MANBA: variants seen among roughly 807,000 people sequenced by gnomAD.
The protein encoded by MANBA is beta-mannosidase.
A neutral mutation model predicts 111.1 loss-of-function variants in MANBA; 83 were observed. That is an observed-to-expected ratio of 0.75 (90% CI 0.63 to 0.90). The LOEUF is 0.90. Among genes scored for constraint, MANBA ranks in the 40% least tolerant of loss-of-function variants. The pLI is 0.00. For synonymous variants in MANBA, 370 were observed against 378.7 expected, an observed-to-expected ratio of 0.98 and a Z score of 0.27; for missense variants, 1,036 against 1,069.0, an observed-to-expected ratio of 0.97 and a Z score of 0.43.
intron 11 of MANBA, among the ~76,000 whole-genome samples, chr4:102,658,140 C>A (rs1730658179): frequency 2.0e-5 from 3 of 152,188 alleles, no homozygotes; most frequent in Admixed American, 1.3e-4. Flanking sequence ...TGTTCTTAAT[C>A]TTTTCAATCA....
intron 4 of MANBA, among the ~76,000 whole-genome samples, chr4:102,721,857 G>A (rs1245827540): frequency 6.6e-6 from 1 of 151,562 alleles, no homozygotes; most frequent in Non-Finnish European, 1.5e-5. Context: ...GCAAAATCCT[G>A]TCTCTACAAA....
In MANBA at chr4:102,669,333, G is replaced by A. The variant is rs55922881; in HGVS notation, c.1231-284C>T. ...TTTGAAAAAGAAAAAATGTGTGGAG[G>A]GGACACAGAATGAGGCTTCCCTCCA... On this transcript the variant is annotated intron_variant, in intron 9 of 16. Transcript: ENST00000647097. Among the ~76,000 whole-genome samples, 1,736 of 152,212 alleles carry A rather than the reference G, an allele frequency of 0.011. 36 individuals are homozygous for A. Among genetic ancestry groups the A allele is most frequent in the African/African-American group, 0.039 (1,636 of 41,524 alleles).
chr4:102,693,395 G>T (rs964905632), intron 5 of MANBA, among the ~76,000 whole-genome samples: 1 of 152,140 alleles, frequency 6.6e-6, no homozygotes, highest in Admixed American at 6.6e-5. Flanking sequence ...AAGTAATAAG[G>T]GTGGGGCAGT....
intron 7 of MANBA, among the ~76,000 whole-genome samples, chr4:102,684,067 T>G (rs533310408): frequency 6.6e-6 from 1 of 152,128 alleles, no homozygotes; most frequent in African/African-American, 2.4e-5. Flanking sequence ...CAGGACCTTT[T>G]GTCTGAGTCA....
intron 7 of MANBA, among the ~76,000 whole-genome samples, chr4:102,687,084 C>T (rs1043043360): frequency 6.6e-6 from 1 of 152,108 alleles, no homozygotes; most frequent in African/African-American, 2.4e-5. Context: ...ACTCAATGAA[C>T]AGAGTTGCCC....
intron 13 of MANBA, among the ~76,000 whole-genome samples, chr4:102,640,196 T>C (rs898775925): frequency 6.6e-6 from 1 of 152,206 alleles, no homozygotes; most frequent in East Asian, 1.9e-4. Context: ...AAATGCTATA[T>C]ATAGTCCAAA....
At chr4:102,693,801 C>G (rs1404893655) in intron 5 of MANBA, among the ~76,000 whole-genome samples, 1 of 151,982 alleles carries the variant, frequency 6.6e-6, no homozygotes, top group Non-Finnish European at 1.5e-5. Context: ...AATATTACCC[C>G]CAAAAAAGGC....
intron 6 of MANBA, among the ~76,000 whole-genome samples, chr4:102,689,989 C>G (rs1372135580): frequency 1.3e-5 from 2 of 152,144 alleles, no homozygotes; most frequent in African/African-American, 4.8e-5. Flanking sequence ...ACATTCTTAA[C>G]ACTTAAAATG....
intron 5 of MANBA, among the ~76,000 whole-genome samples, chr4:102,705,985 A>C (rs1033780832): frequency 2.0e-5 from 3 of 152,134 alleles, no homozygotes; most frequent in African/African-American, 7.2e-5. Flanking sequence ...TGTCAACACC[A>C]ATGCAGACTT....
At chr4:102,679,330 A>G (rs965708608) in intron 7 of MANBA, among the ~76,000 whole-genome samples, 14 of 152,140 alleles carry the variant, frequency 9.2e-5, no homozygotes, top group African/African-American at 3.4e-4. Flanking sequence ...CTCCTCTTCC[A>G]TATGACAAAG....
At chr4:102,754,336 G>A (rs1369359296) in intron 1 of MANBA, among the ~76,000 whole-genome samples, 1 of 151,946 alleles carries the variant, frequency 6.6e-6, no homozygotes, top group Admixed American at 6.6e-5. Context: ...AAATAAAGAT[G>A]TACAGTAAAA....
chr4:102,684,289 G>C (rs1288286869), intron 7 of MANBA, among the ~76,000 whole-genome samples: 1 of 152,132 alleles, frequency 6.6e-6, no homozygotes, highest in Non-Finnish European at 1.5e-5. Context: ...ATAAGGAGGG[G>C]CTGGTGATGA....
At chr4:102,687,926 T>C (rs2110240498) in intron 7 of MANBA, among the ~76,000 whole-genome samples, 1 of 152,236 alleles carries the variant, frequency 6.6e-6, no homozygotes, top group South Asian at 2.1e-4. Context: ...AGAGCACATT[T>C]CACACACATG....
intron 1 of MANBA, among the ~76,000 whole-genome samples, chr4:102,750,578 A>G (rs1723752176): frequency 6.6e-6 from 1 of 152,310 alleles, no homozygotes; most frequent in Admixed American, 6.5e-5. Context: ...CCATACTGAA[A>G]TGTTTGTGGA....
chr4:102,750,723 T>C (rs1394204205), intron 1 of MANBA, among the ~76,000 whole-genome samples: 2 of 152,056 alleles, frequency 1.3e-5, no homozygotes, highest in African/African-American at 4.8e-5. Flanking sequence ...GACCAGCCTG[T>C]GCAACATAGG....
intron 12 of MANBA, among the ~76,000 whole-genome samples, chr4:102,654,147 C>T (rs937409861): frequency 6.6e-6 from 1 of 152,006 alleles, no homozygotes; most frequent in Non-Finnish European, 1.5e-5. Flanking sequence ...AGAATGAGTA[C>T]GTGGTACACA....
chr4:102,698,964 C>G (rs1297489127), intron 5 of MANBA, among the ~76,000 whole-genome samples: 1 of 152,186 alleles, frequency 6.6e-6, no homozygotes, highest in African/African-American at 2.4e-5. Context: ...GCCATTTTCA[C>G]AATATTGATT....
At chr4:102,687,426 G>A (rs1275768169) in intron 7 of MANBA, among the ~76,000 whole-genome samples, 2 of 152,046 alleles carry the variant, frequency 1.3e-5, no homozygotes, top group Non-Finnish European at 2.9e-5. Flanking sequence ...CTTCCTTCAC[G>A]TGGCTCACTA....
At chr4:102,682,805 A>C (rs1416716918) in intron 7 of MANBA, 3 of 152,242 alleles carry the variant, frequency 2.0e-5, no homozygotes. Flanking sequence ...GGAAGGGGCA[A>C]GGAAGAATTC....
Sources: gnomAD v4.1 joint callset for allele counts (sites outside exome capture counted in the v4.1 genomes callset) on GRCh38, gnomAD v4.1.1 for gene constraint, MANE v1.5 for transcripts, NCBI Gene and HGNC (gene_info 2026-07-23, HGNC 2026-07-21) for gene names.